Variants in SHPRH observed in about 807,000 individuals in gnomAD.
SHPRH encodes the protein E3 ubiquitin-protein ligase SHPRH.
SHPRH carries 106 observed loss-of-function variants against 202.5 expected under a neutral mutation model. The ratio of observed to expected loss-of-function variants is 0.52; its 90% CI spans 0.45 to 0.62. The LOEUF (loss-of-function observed/expected upper bound fraction) is 0.62. Among genes scored for constraint, SHPRH ranks in the 20% least tolerant of loss-of-function variants. SHPRH has a pLI of 0.00. For missense variants in SHPRH, 1,710 were observed against 2,020.0 expected, an observed-to-expected ratio of 0.85 and a Z score of 2.94; for synonymous variants, 729 against 686.0, an observed-to-expected ratio of 1.06 and a Z score of -0.98.
rs1787519585 is a variant in SHPRH at position 145,947,529 on chromosome 6, T to A, written c.1176A>T (p.Arg392=). The A allele has an allele frequency of 6.2e-7, 1 of 1,612,958 alleles. No individual in the cohort carries two copies. The highest frequency in any genetic ancestry group is 2.2e-5 in the East Asian group (1 of 44,854). Residue 392 remains arginine (R), a synonymous_variant, in exon 6 of 30, where the codon CGA becomes CGT. Coordinates refer to ENST00000275233, the MANE Select transcript of SHPRH (RefSeq NM_001042683.3). Reference sequence around the variant, plus strand: ...TGAGAGCATCTTGCTTGACATCTTGTCGAGTATGTGTCAGAATCAGAGCCA... The same window carrying A: ...TGAGAGCATCTTGCTTGACATCTTGACGAGTATGTGTCAGAATCAGAGCCA... ...EVLALILTHT[R]QDVKQDALTL...
intron 2 of SHPRH, among the ~76,000 whole-genome samples, chr6:145,873,866 A>G (rs117446463): frequency 0.016 from 2,392 of 152,210 alleles, 25 homozygotes; most frequent in South Asian, 0.028. Context: ...CACAAAATTA[A>G]TATCACAAAG....
At position 145,918,171 on chromosome 6, in the gene SHPRH, T is replaced by C; in HGVS notation, c.4214A>G (p.Lys1405Arg). ...DKAVATSQLQ[K>R]KLGQLLYLTN... ...TAGGTAAAGAAGCTGCCCAAGTTTT[T>C]TCTGAAGCTGTGATGTAGCAACAGC... The change falls in exon 23 of 30, where the codon AAA becomes AGA. Residue 1405 changes from lysine (K) to arginine (R), a missense_variant. Around this residue, in one of 8 missense-constraint regions of SHPRH, gnomAD observed 306 missense variants for 479.5 expected, o/e 0.64. Coordinates refer to ENST00000275233, the MANE Select transcript of SHPRH (RefSeq NM_001042683.3). The C allele has an allele frequency of 6.2e-7, 1 of 1,607,594 alleles. No homozygotes were observed. The highest frequency in any genetic ancestry group is 8.5e-7 in the Non-Finnish European group (1 of 1,176,860).
At chr6:145,954,326 G>A (rs1040760249) in intron 2 of SHPRH, among the ~76,000 whole-genome samples, 1 of 152,060 alleles carries the variant, frequency 6.6e-6, no homozygotes, top group Non-Finnish European at 1.5e-5. Context: ...ACTTAATTCT[G>A]TAGGCAGTAA....
intron 11 of SHPRH, among the ~76,000 whole-genome samples, chr6:145,937,944 G>T (rs1786297746): frequency 6.6e-6 from 1 of 151,800 alleles, no homozygotes; most frequent in Non-Finnish European, 1.5e-5. Flanking sequence ...TTTCATTTGT[G>T]AAAGTTATCT....
chr6:145,864,303 T>A (rs1468911196), exon 3 of SHPRH: 1 of 361,316 alleles, frequency 2.8e-6, no homozygotes, highest in Non-Finnish European at 5.8e-6. Context: ...CCCCATAATT[T>A]TTACTTGTGC....
At chr6:145,901,245 T>C (rs936962177) in intron 25 of SHPRH, among the ~76,000 whole-genome samples, 1 of 152,098 alleles carries the variant, frequency 6.6e-6, no homozygotes, top group Non-Finnish European at 1.5e-5. Flanking sequence ...GTTTATCTGC[T>C]GGTTTGGCAA....
chr6:145,912,074 T>C (rs1440837705), intron 24 of SHPRH, among the ~76,000 whole-genome samples: 1 of 151,426 alleles, frequency 6.6e-6, no homozygotes, highest in Non-Finnish European at 1.5e-5. Flanking sequence ...TCCACCTACA[T>C]GTGCAATGGA....
At chr6:145,919,198 A>ACC (rs1784212104) in intron 22 of SHPRH, 150 bp downstream of exon 22, 2 of 1,176,320 alleles carry the variant, frequency 1.7e-6, no homozygotes, top group African/African-American at 1.6e-5. Context: ...TTGGTCTATA[A>ACC]AGACAATTTT....
intron 2 of SHPRH, among the ~76,000 whole-genome samples, chr6:145,869,148 T>G (rs895219642): frequency 6.6e-6 from 1 of 152,200 alleles, no homozygotes; most frequent in Non-Finnish European, 1.5e-5. Flanking sequence ...TCTATTTCCT[T>G]TTTTGAGATA....
chr6:145,955,884 C>G (rs868671563), intron 1 of SHPRH, among the ~76,000 whole-genome samples: 2 of 152,000 alleles, frequency 1.3e-5, no homozygotes, highest in African/African-American at 4.8e-5. Context: ...AACATTCAAA[C>G]AGCTACTGTA....
chr6:145,935,249 C>G, intron 12 of SHPRH, 29 bp downstream of exon 12: 1 of 1,611,586 alleles, frequency 6.2e-7, no homozygotes, highest in Non-Finnish European at 8.5e-7. Context: ...CTTATAGTAC[C>G]TTTATCAATA....
intron 14 of SHPRH, among the ~76,000 whole-genome samples, chr6:145,928,659 T>A (rs1480467360): frequency 1.3e-5 from 2 of 151,990 alleles, no homozygotes; most frequent in Non-Finnish European, 1.5e-5. Flanking sequence ...CAGCCCTTTT[T>A]AAGTGTGTAG....
At chr6:145,902,786 G>A (rs1215943746) in intron 25 of SHPRH, among the ~76,000 whole-genome samples, 2 of 152,066 alleles carry the variant, frequency 1.3e-5, no homozygotes, top group Non-Finnish European at 2.9e-5. Context: ...CTTACTGAGT[G>A]CCTATTATAT....
intron 6 of SHPRH, among the ~76,000 whole-genome samples, chr6:145,946,713 TA>T (rs1218691290): frequency 6.6e-6 from 1 of 151,950 alleles, no homozygotes; most frequent in Non-Finnish European, 1.5e-5. Context: ...TAAGTCAATA[TA>T]TTCCAAGTCA....
At chr6:145,919,581 A>G in intron 21 of SHPRH, 90 bp from the exon 22 acceptor site, 1 of 1,451,742 alleles carries the variant, frequency 6.9e-7, no homozygotes, top group African/African-American at 1.4e-5. Context: ...AAAAGTCTTC[A>G]ATGAGATCTT....
At chr6:145,941,303 C>T (rs1457920919) in intron 10 of SHPRH, among the ~76,000 whole-genome samples, 1 of 152,212 alleles carries the variant, frequency 6.6e-6, no homozygotes, top group Admixed American at 6.5e-5. Context: ...AGAGGCTACA[C>T]GATGAGCTCC....
chr6:145,886,905 A>T, intron 29 of SHPRH, 118 bp from the exon 30 acceptor site: 1 of 979,390 alleles, frequency 1.0e-6, no homozygotes, highest in Middle Eastern at 2.2e-4. Flanking sequence ...TTGGGATATA[A>T]GAAACTCCCA....
At chr6:145,927,063 C>A in intron 15 of SHPRH, 126 bp downstream of exon 15, 1 of 792,548 alleles carries the variant, frequency 1.3e-6, no homozygotes, top group Non-Finnish European at 2.0e-6. Flanking sequence ...ATTGAGAAGA[C>A]TGAATCCCAA....
intron 4 of SHPRH, among the ~76,000 whole-genome samples, chr6:145,949,068 T>C (rs1430174574): frequency 6.6e-6 from 1 of 152,052 alleles, no homozygotes; most frequent in Non-Finnish European, 1.5e-5. Flanking sequence ...AAACTATGGA[T>C]GTTGGCACGA....
Sources: gnomAD v4.1 joint callset for allele counts (sites outside exome capture counted in the v4.1 genomes callset) on GRCh38, gnomAD v4.1.1 for gene constraint, gnomAD v4.1.1 regional missense constraint, MANE v1.5 for transcripts, NCBI Gene and HGNC (gene_info 2026-07-23, HGNC 2026-07-21) for gene names.